The following NKAIN3 variants were observed in gnomAD, a reference collection of about 807,000 sequenced individuals.
NKAIN3 encodes the protein sodium/potassium transporting ATPase interacting 3.
Under a neutral mutation model 30.2 loss-of-function variants are expected in NKAIN3, and 25 were observed. The observed-to-expected ratio is 0.83, with a 90% CI of 0.60 to 1.16. The LOEUF is 1.16. NKAIN3 is among the 50% of genes most tolerant of loss of function. The pLI, the probability that NKAIN3 is intolerant of heterozygous loss-of-function variation, is 0.00. For synonymous variants in NKAIN3, 91 were observed against 89.6 expected (o/e 1.02, Z -0.09); for missense variants, 225 against 254.1 (o/e 0.89, Z 0.78).
At chr8:62,491,685 T>C (rs1807071150) in intron 1 of NKAIN3, among the ~76,000 whole-genome samples, 1 of 152,258 alleles carries the variant, frequency 6.6e-6, no homozygotes, top group African/African-American at 2.4e-5. Context: ...GTGAAGATGA[T>C]GGAAATAATT....
At chr8:62,818,791 T>C (rs572121928) in intron 4 of NKAIN3, among the ~76,000 whole-genome samples, 2 of 152,190 alleles carry the variant, frequency 1.3e-5, no homozygotes, top group African/African-American at 4.8e-5. Context: ...AGTTACAGCA[T>C]CCCAGAGTAT....
At chr8:62,833,521 A>G (rs1477503565) in intron 4 of NKAIN3, among the ~76,000 whole-genome samples, 1 of 152,086 alleles carries the variant, frequency 6.6e-6, no homozygotes, top group Non-Finnish European at 1.5e-5. Flanking sequence ...GAAATATACA[A>G]AAGATCATCA....
At chr8:62,762,314 CTCAAAAAAAAAAA>C (rs534103420) in intron 4 of NKAIN3, among the ~76,000 whole-genome samples, 90 of 40,536 alleles carry the variant, frequency 2.2e-3, no homozygotes, top group African/African-American at 8.2e-3. Context: ...AAAACTCTGT[CTCAAAAAAAAAAA>C]ACAAAAAACA....
chr8:62,744,909 T>A (rs79504664), intron 3 of NKAIN3, among the ~76,000 whole-genome samples: 4,065 of 152,280 alleles, frequency 0.027, 189 homozygotes, highest in African/African-American at 0.092. Flanking sequence ...AGGCATAACA[T>A]GTTTTATTAT....
At chr8:62,600,384 A>C (rs1810953645) in intron 3 of NKAIN3, among the ~76,000 whole-genome samples, 2 of 152,024 alleles carry the variant, frequency 1.3e-5, no homozygotes, top group South Asian at 4.1e-4. Context: ...AGGAAAATGG[A>C]CTAACTCTTA....
At chr8:62,256,710 C>A (rs150065950) in intron 1 of NKAIN3, among the ~76,000 whole-genome samples, 2 of 152,078 alleles carry the variant, frequency 1.3e-5, no homozygotes, top group Admixed American at 6.6e-5. Flanking sequence ...CAGATAGAAG[C>A]CCCAGGAGGA....
chr8:62,422,729 T>C (rs1804682490), intron 1 of NKAIN3, among the ~76,000 whole-genome samples: 1 of 152,146 alleles, frequency 6.6e-6, no homozygotes, highest in African/African-American at 2.4e-5. Context: ...CTGTATTCCA[T>C]CTCTGACTTA....
chr8:62,863,632 G>C lies in NKAIN3; in HGVS notation c.472-54821G>C, dbSNP rs530956581. ...CAACGAGCTGGATCACCATGTCTTT[G>C]TTTGGGTCACTGGGATAACTTTCTC... is the stretch of plus-strand genomic sequence containing the variant. On this transcript the variant is annotated intron_variant, in intron 4 of 6. Coordinates refer to ENST00000623646, the MANE Select transcript of NKAIN3 (RefSeq NM_001304533.3). 82 of 1,230,068 alleles carry C rather than the reference G, an allele frequency of 6.7e-5. 1 individual carries two copies. The highest frequency in any genetic ancestry group is 8.4e-5 in the Non-Finnish European group (70 of 831,352). The allele number at this position is 1,230,068 out of a possible 1,614,324, so 76.2% of individuals were successfully genotyped here. A position where few individuals can be genotyped will look rare whatever the true frequency, so the allele number is the denominator to read the frequency against.
chr8:62,906,350 T>C lies in NKAIN3; in HGVS notation c.472-12103T>C, dbSNP rs114401335. Among the ~76,000 whole-genome samples the C allele has an allele frequency of 4.0e-3, 604 of 152,362 alleles. 4 individuals carry two copies. Among genetic ancestry groups the C allele is most frequent in the African/African-American group, 0.014 (576 of 41,586 alleles). ...CATATAGAAGCTTTCTATTCACAAATGTTCAACTTAATGACTTTCATTAGA... is the reference window on the plus strand; with the variant it reads ...CATATAGAAGCTTTCTATTCACAAACGTTCAACTTAATGACTTTCATTAGA... On this transcript the variant is annotated intron_variant, in intron 4 of 6. Coordinates refer to ENST00000623646, the MANE Select transcript of NKAIN3 (RefSeq NM_001304533.3).
intron 3 of NKAIN3, among the ~76,000 whole-genome samples, chr8:62,715,522 A>G (rs1312411427): frequency 3.3e-5 from 5 of 152,196 alleles, no homozygotes; most frequent in Non-Finnish European, 7.3e-5. Context: ...CCAAGGGTTC[A>G]TATCTCAGTA....
intron 1 of NKAIN3, among the ~76,000 whole-genome samples, chr8:62,410,170 T>G (rs1161081875): frequency 1.3e-5 from 2 of 152,114 alleles, no homozygotes; most frequent in East Asian, 3.9e-4. Flanking sequence ...GTTCAATGTT[T>G]AGGTCCCACT....
At position 62,471,280 on chromosome 8, in the gene NKAIN3, A is replaced by G. The variant is rs868662345; in HGVS notation, c.55-108259A>G. Among the ~76,000 whole-genome samples the G allele has an allele frequency of 4.6e-5, 7 of 152,246 alleles. No individual in the cohort carries two copies. The South Asian group carries it at 1.5e-3, about 32-fold the overall frequency. ...TAAAGGATGAGAGTAGCACTTTAGC[A>G]ATATCTGTAACAATTTACTTCTCTA... On this transcript the variant is annotated intron_variant, in intron 1 of 6. Coordinates refer to ENST00000623646, the MANE Select transcript of NKAIN3 (RefSeq NM_001304533.3).
At chr8:62,707,520 T>C (rs964416478) in intron 3 of NKAIN3, among the ~76,000 whole-genome samples, 2 of 152,060 alleles carry the variant, frequency 1.3e-5, no homozygotes, top group African/African-American at 4.8e-5. Flanking sequence ...GCCACTTGTA[T>C]ATCTTTTGAG....
In NKAIN3 at chr8:62,308,587, C is replaced by G. The variant is rs982830858; in HGVS notation, c.54+59460C>G. ...TCTTGGGAAAAGATATAAGGATGGC[C>G]AACTAGAGTAGTTGCATTCTGCATG... is the stretch of plus-strand genomic sequence containing the variant. On this transcript the variant is annotated intron_variant, in intron 1 of 6. Transcript: ENST00000623646. Among the ~76,000 whole-genome samples the G allele has an allele frequency of 6.0e-5, 9 of 150,290 alleles. 2 individuals are homozygous for G. Among genetic ancestry groups the G allele is most frequent in the African/African-American group, 2.3e-4 (9 of 39,748 alleles).
intron 3 of NKAIN3, among the ~76,000 whole-genome samples, chr8:62,712,902 T>C (rs1421765637): frequency 2.0e-5 from 3 of 152,208 alleles, no homozygotes; most frequent in Non-Finnish European, 4.4e-5. Flanking sequence ...CCAGGGCCTT[T>C]CTGCTGCTCC....
At chr8:62,706,854 GT>G (rs1420811177) in intron 3 of NKAIN3, among the ~76,000 whole-genome samples, 1 of 151,818 alleles carries the variant, frequency 6.6e-6, no homozygotes, top group Non-Finnish European at 1.5e-5. Context: ...TTCCTCCCAA[GT>G]CCCCAAAGTT....
intron 5 of NKAIN3, among the ~76,000 whole-genome samples, chr8:62,934,603 C>T (rs1294831090): frequency 6.6e-6 from 1 of 151,980 alleles, no homozygotes; most frequent in Non-Finnish European, 1.5e-5. Flanking sequence ...CAGCCTGGTT[C>T]CCTGACTCAA....
At chr8:62,459,806 A>C (rs1805934200) in intron 1 of NKAIN3, among the ~76,000 whole-genome samples, 1 of 152,226 alleles carries the variant, frequency 6.6e-6, no homozygotes, top group Non-Finnish European at 1.5e-5. Flanking sequence ...GGGAGTAAAG[A>C]GTAAACAGAG....
At chr8:62,327,050 G>T (rs930088442) in intron 1 of NKAIN3, among the ~76,000 whole-genome samples, 7 of 151,812 alleles carry the variant, frequency 4.6e-5, no homozygotes, top group Non-Finnish European at 1.0e-4. Flanking sequence ...GTTTTGATTT[G>T]CATTTTCCTA....
Sources: gnomAD v4.1 joint callset for allele counts (sites outside exome capture counted in the v4.1 genomes callset) on GRCh38, gnomAD v4.1.1 for gene constraint, MANE v1.5 for transcripts, NCBI Gene and HGNC (gene_info 2026-07-23, HGNC 2026-07-21) for gene names.